RAB3C: variants seen among roughly 807,000 people sequenced by gnomAD.
The protein encoded by RAB3C is RAB3C, member RAS oncogene family.
Under a neutral mutation model 26.4 loss-of-function variants are expected in RAB3C, and 17 were observed. That is an observed-to-expected ratio of 0.64 (90% CI 0.44 to 0.97). RAB3C has a LOEUF of 0.97. Among genes scored for constraint, RAB3C ranks in the 50% least tolerant of loss-of-function variants. RAB3C has a pLI of 0.00. For missense variants in RAB3C, 242 were observed against 281.9 expected (o/e 0.86, Z 1.01); for synonymous variants, 91 against 95.9 (o/e 0.95, Z 0.30).
At chr5:58,719,924 T>C (rs188421691) in intron 2 of RAB3C, among the ~76,000 whole-genome samples, 2 of 151,990 alleles carry the variant, frequency 1.3e-5, no homozygotes, top group Non-Finnish European at 2.9e-5. Context: ...CAAAAACTTA[T>C]TGAAATAATT....
chr5:58,806,235 T>G (rs1351664474), intron 3 of RAB3C, among the ~76,000 whole-genome samples: 1 of 152,208 alleles, frequency 6.6e-6, no homozygotes, highest in Non-Finnish European at 1.5e-5. Context: ...AGTAAAATGA[T>G]GATAACGTTA....
At chr5:58,650,999 G>A (rs1747636845) in intron 2 of RAB3C, among the ~76,000 whole-genome samples, 1 of 152,140 alleles carries the variant, frequency 6.6e-6, no homozygotes, top group South Asian at 2.1e-4. Context: ...GACTGAACTG[G>A]GCATTTGGAT....
chr5:58,637,994 C>T (rs1399862342), intron 2 of RAB3C, among the ~76,000 whole-genome samples: 1 of 151,934 alleles, frequency 6.6e-6, no homozygotes, highest in African/African-American at 2.4e-5. Context: ...TTATTACTGG[C>T]TTTTCTTTTT....
intron 3 of RAB3C, among the ~76,000 whole-genome samples, chr5:58,735,382 A>C (rs992518341): frequency 6.6e-6 from 1 of 152,208 alleles, no homozygotes; most frequent in Admixed American, 6.5e-5. Flanking sequence ...CAATTTTAGC[A>C]AGCAGGTGAA....
chr5:58,759,968 C>T (rs73104324), intron 3 of RAB3C, among the ~76,000 whole-genome samples: 3,560 of 152,232 alleles, frequency 0.023, 139 homozygotes, highest in African/African-American at 0.082. Flanking sequence ...ATGTCACTGC[C>T]GAAGTGGAAC....
intron 2 of RAB3C, among the ~76,000 whole-genome samples, chr5:58,638,941 C>A (rs1747349745): frequency 6.6e-6 from 1 of 152,180 alleles, no homozygotes; most frequent in Non-Finnish European, 1.5e-5. Flanking sequence ...CCACCTCAAG[C>A]ACACCATGCC....
intron 4 of RAB3C, among the ~76,000 whole-genome samples, chr5:58,831,742 G>A (rs1278580511): frequency 6.6e-6 from 1 of 152,120 alleles, no homozygotes; most frequent in Non-Finnish European, 1.5e-5. Context: ...TCAGCACATT[G>A]AGGGGACCTT....
At chr5:58,668,125 A>G (rs1748038338) in intron 2 of RAB3C, among the ~76,000 whole-genome samples, 1 of 151,400 alleles carries the variant, frequency 6.6e-6, no homozygotes, top group Non-Finnish European at 1.5e-5. Context: ...TCCTGAAATT[A>G]ATATTATATT....
chr5:58,666,680 A>G (rs1381828499), intron 2 of RAB3C, among the ~76,000 whole-genome samples: 1 of 152,164 alleles, frequency 6.6e-6, no homozygotes, highest in Non-Finnish European at 1.5e-5. Context: ...ATGTGGATGA[A>G]GTTAGGTGGA....
At chr5:58,594,462 A>T (rs1249010080) in intron 1 of RAB3C, among the ~76,000 whole-genome samples, 3 of 152,176 alleles carry the variant, frequency 2.0e-5, no homozygotes, top group Non-Finnish European at 2.9e-5. Context: ...AAATAATAGT[A>T]GCAGTAGCTT....
chr5:58,596,427 G>A (rs1272220123), intron 1 of RAB3C, among the ~76,000 whole-genome samples: 1 of 147,186 alleles, frequency 6.8e-6, no homozygotes, highest in Non-Finnish European at 1.5e-5. Context: ...TACTATTATT[G>A]TAGAGAGGTT....
intron 3 of RAB3C, among the ~76,000 whole-genome samples, chr5:58,766,167 G>T (rs1316975536): frequency 4.0e-5 from 6 of 150,412 alleles, no homozygotes; most frequent in Non-Finnish European, 8.8e-5. Flanking sequence ...ACCCAGGCTG[G>T]AGTGCAGTGG....
At chr5:58,825,630 G>A (rs1743458102) in intron 4 of RAB3C, among the ~76,000 whole-genome samples, 1 of 152,060 alleles carries the variant, frequency 6.6e-6, no homozygotes, top group Non-Finnish European at 1.5e-5. Context: ...AAATCCTTTT[G>A]AGACTTAGTC....
intron 4 of RAB3C, among the ~76,000 whole-genome samples, chr5:58,849,365 C>T (rs1269214903): frequency 1.3e-5 from 2 of 152,146 alleles, no homozygotes; most frequent in Non-Finnish European, 2.9e-5. Context: ...GGGAAAATCA[C>T]CACAAGCATG....
rs145450762 is a variant in RAB3C, at chr5:58,785,759, C to T, written c.372-39279C>T. Reference sequence around the variant, plus strand: ...TGCAGATGGAATTACAGTTGCTAATCAGCTGACTTCAAAATAGATCAACTG... The same window carrying T: ...TGCAGATGGAATTACAGTTGCTAATTAGCTGACTTCAAAATAGATCAACTG... On this transcript the variant is annotated intron_variant, in intron 3 of 4. Transcript: ENST00000282878. Among the ~76,000 whole-genome samples, 497 of 152,322 alleles carry T rather than the reference C, an allele frequency of 3.3e-3. 1 individual carries two copies. The highest frequency in any genetic ancestry group is 0.011 in the African/African-American group (471 of 41,572).
intron 3 of RAB3C, among the ~76,000 whole-genome samples, chr5:58,787,452 T>C (rs1742416591): frequency 6.6e-6 from 1 of 152,220 alleles, no homozygotes; most frequent in South Asian, 2.1e-4. Flanking sequence ...TTTTTTTCTT[T>C]ATGTTTTTCT....
At chr5:58,812,857 T>C (rs1579932748) in intron 3 of RAB3C, among the ~76,000 whole-genome samples, 1 of 152,194 alleles carries the variant, frequency 6.6e-6, no homozygotes, top group South Asian at 2.1e-4. Flanking sequence ...AACTCTTCCA[T>C]GAACATTTTT....
At position 58,851,570 on chromosome 5, in the gene RAB3C, G is replaced by C. The variant is rs1187540692; in HGVS notation, c.*219G>C. ...AAGGACTATCCATCTATAAACATCT[G>C]GTACCTGCATGTGACTTGTTATTTA... On this transcript the variant is annotated 3_prime_UTR_variant, in exon 5 of 5. Transcript: ENST00000282878. 2 of 412,194 alleles carry C rather than the reference G, an allele frequency of 4.9e-6. No individual in the cohort carries two copies. The highest frequency in any genetic ancestry group is 9.2e-5 in the South Asian group (1 of 10,840). The allele number at this position is 412,194 out of a possible 1,614,324, so 25.5% of individuals were successfully genotyped here.
intron 4 of RAB3C, among the ~76,000 whole-genome samples, chr5:58,840,549 A>T (rs1426341202): frequency 1.5e-4 from 23 of 151,782 alleles, no homozygotes. Flanking sequence ...CTCATGTTTG[A>T]TGTGTCCCTA....
Sources: allele counts gnomAD v4.1 joint callset (sites outside exome capture counted in the v4.1 genomes callset), GRCh38; gene constraint gnomAD v4.1.1; transcripts MANE v1.5; gene names NCBI Gene and HGNC (gene_info 2026-07-23, HGNC 2026-07-21).